The following RBFOX3 variants were observed in gnomAD, a reference collection of about 807,000 sequenced individuals.
The protein encoded by RBFOX3 is RNA binding protein fox-1 homolog 3.
In RBFOX3, 17 loss-of-function variants were observed where a neutral mutation model predicts 48.7. That is an observed-to-expected ratio of 0.35 (90% CI 0.24 to 0.52). The LOEUF is 0.52. RBFOX3 is among the 20% of genes least tolerant of loss of function. RBFOX3 has a pLI of 0.94. For missense variants in RBFOX3, 382 were observed against 497.5 expected, an observed-to-expected ratio of 0.77 and a Z score of 2.21; for synonymous variants, 212 against 209.5, an observed-to-expected ratio of 1.01 and a Z score of -0.10.
At chr17:79,491,692 T>C (rs1370711819) in intron 1 of RBFOX3, among the ~76,000 whole-genome samples, 1 of 152,158 alleles carries the variant, frequency 6.6e-6, no homozygotes, top group Non-Finnish European at 1.5e-5. Flanking sequence ...ATCAGGAAAT[T>C]GCAGTGCAGG....
intron 2 of RBFOX3, among the ~76,000 whole-genome samples, chr17:79,337,425 C>T (rs2081363861): frequency 6.6e-6 from 1 of 152,194 alleles, no homozygotes; most frequent in Non-Finnish European, 1.5e-5. Context: ...ATGCATGCCT[C>T]AGGTCCCCGT....
rs1233587990 is a variant in RBFOX3, at chr17:79,090,399, C to G, written c.*484G>C. 1 of 156,040 alleles carries G rather than the reference C, an allele frequency of 6.4e-6. No individual in the cohort carries two copies. Among genetic ancestry groups the G allele is most frequent in the Non-Finnish European group, 1.4e-5 (1 of 70,492 alleles). 9.7% of individuals were successfully genotyped at this position (156,040 alleles called of 1,614,324 possible). A position where few individuals can be genotyped will look rare whatever the true frequency, so the allele number is the denominator to read the frequency against. On this transcript the variant is annotated 3_prime_UTR_variant, in exon 15 of 15. Coordinates refer to ENST00000693108, the MANE Select transcript of RBFOX3 (RefSeq NM_001350451.2). Reference sequence around the variant, plus strand: ...ATGAAAGCTGCCCGCACCCCTCAGCCCCGCCGGCCCCCTGGCACAGCTGGC... The same window carrying G: ...ATGAAAGCTGCCCGCACCCCTCAGCGCCGCCGGCCCCCTGGCACAGCTGGC...
chr17:79,620,162 CAT>C, the RBFOX3 span, among the ~76,000 whole-genome samples: 1 of 5,926 alleles, frequency 1.7e-4, no homozygotes, highest in South Asian at 3.4e-3. Flanking sequence ...CACGCGCGGA[CAT>C]GCACACACAT....
At chr17:79,440,890 T>C (rs889997654) in intron 2 of RBFOX3, among the ~76,000 whole-genome samples, 26 of 152,090 alleles carry the variant, frequency 1.7e-4, no homozygotes, top group Admixed American at 7.9e-4. Context: ...CCACACCCCA[T>C]ACGAGGGGAC....
intron 5 of RBFOX3, among the ~76,000 whole-genome samples, chr17:79,107,393 C>T (rs1377418744): frequency 6.6e-6 from 1 of 152,244 alleles, no homozygotes; most frequent in Non-Finnish European, 1.5e-5. Context: ...CTCTATAGCC[C>T]CCATTTGGAC....
chr17:79,225,991 G>A (rs927971835), intron 4 of RBFOX3, among the ~76,000 whole-genome samples: 2 of 152,172 alleles, frequency 1.3e-5, no homozygotes, highest in Admixed American at 6.5e-5. Context: ...CAGCCAGGTG[G>A]TCAGAGTAAG....
chr17:79,326,408 C>T (rs1362240060), intron 2 of RBFOX3, among the ~76,000 whole-genome samples: 1 of 152,212 alleles, frequency 6.6e-6, no homozygotes, highest in Non-Finnish European at 1.5e-5. Context: ...CCTGGTCGCC[C>T]ATGCACTTTG....
chr17:79,451,233 A>T (rs1367183980), intron 2 of RBFOX3, among the ~76,000 whole-genome samples: 1 of 152,218 alleles, frequency 6.6e-6, no homozygotes, highest in African/African-American at 2.4e-5. Context: ...AATGAGAAAA[A>T]AAAATACATT....
At chr17:79,178,383 T>C (rs1276562245) in intron 4 of RBFOX3, among the ~76,000 whole-genome samples, 1 of 152,246 alleles carries the variant, frequency 6.6e-6, no homozygotes, top group Non-Finnish European at 1.5e-5. Flanking sequence ...ATGCATGTTT[T>C]CTTTTGCACA....
At chr17:79,663,466 T>C in the RBFOX3 span, among the ~76,000 whole-genome samples, 4 of 152,338 alleles carry the variant, frequency 2.6e-5, no homozygotes, top group African/African-American at 7.2e-5. Context: ...AAGTCCTTTA[T>C]AGGGGGTCTG....
chr17:79,324,759 T>C (rs981727250), intron 2 of RBFOX3, among the ~76,000 whole-genome samples: 30 of 152,192 alleles, frequency 2.0e-4, no homozygotes, highest in Admixed American at 6.5e-5. Context: ...AGCCAACACC[T>C]GGCCGAGCAA....
Position 79,308,889 on chromosome 17 carries a change from C to T in RBFOX3, c.-174-1065G>A, listed in dbSNP as rs1568016253. On this transcript the variant is annotated intron_variant, in intron 2 of 14. Transcript: ENST00000693108. ...ATCCCAGCACTTTGGGAAGCCGAGG[C>T]GGGGGGATCACTTGAGGCCAAGAGT... is the stretch of plus-strand genomic sequence containing the variant. Among the ~76,000 whole-genome samples the T allele has an allele frequency of 3.3e-5, 5 of 151,996 alleles. No individual in the cohort carries two copies. The South Asian group carries it at 8.3e-4, about 25-fold the overall frequency.
At chr17:79,191,619 C>A (rs566523696) in intron 4 of RBFOX3, among the ~76,000 whole-genome samples, 1 of 152,330 alleles carries the variant, frequency 6.6e-6, no homozygotes, top group African/African-American at 2.4e-5. Flanking sequence ...GGGGCCGGGC[C>A]ATGGAGTGAC....
chr17:79,149,252 C>G (rs181086134), intron 4 of RBFOX3, among the ~76,000 whole-genome samples: 9 of 152,210 alleles, frequency 5.9e-5, no homozygotes, highest in African/African-American at 2.2e-4. Context: ...GGGCATCCAT[C>G]TGGGGCTTAG....
At chr17:79,194,163 C>A (rs1042365990) in intron 4 of RBFOX3, among the ~76,000 whole-genome samples, 5 of 152,216 alleles carry the variant, frequency 3.3e-5, no homozygotes, top group African/African-American at 1.2e-4. Flanking sequence ...GCTGTCCTCG[C>A]TCCCACAGCT....
At position 79,406,586 on chromosome 17, in the gene RBFOX3, G is replaced by C. The variant is rs140390304; in HGVS notation, c.-175+75868C>G. ...AGGGAGGCGTGTCCCATCAGGATGG[G>C]GACAATTAACAAACGGTGCCCTCCA... On this transcript the variant is annotated intron_variant, in intron 2 of 14. Transcript: ENST00000693108. Among the ~76,000 whole-genome samples the C allele has an allele frequency of 6.5e-3, 991 of 152,272 alleles. 6 individuals carry two copies. Among genetic ancestry groups the C allele is most frequent in the African/African-American group, 0.022 (929 of 41,558 alleles).
the RBFOX3 span, among the ~76,000 whole-genome samples, chr17:79,653,913 CT>C: frequency 6.4e-3 from 885 of 139,310 alleles, 11 homozygotes; most frequent in African/African-American, 0.024. Context: ...GTTAATTCAG[CT>C]TTTTAAAAAC....
intron 3 of RBFOX3, among the ~76,000 whole-genome samples, chr17:79,290,043 C>T (rs993363573): frequency 2.0e-5 from 3 of 152,086 alleles, no homozygotes; most frequent in Non-Finnish European, 2.9e-5. Context: ...AAGCAAGATG[C>T]CCAGGGGGTC....
At chr17:79,257,387 C>T (rs1190585022) in intron 3 of RBFOX3, among the ~76,000 whole-genome samples, 1 of 152,192 alleles carries the variant, frequency 6.6e-6, no homozygotes, top group African/African-American at 2.4e-5. Context: ...GAATACAAAC[C>T]CGAGACCAAA....
Sources: allele counts gnomAD v4.1 joint callset (sites outside exome capture counted in the v4.1 genomes callset), GRCh38; gene constraint gnomAD v4.1.1; transcripts MANE v1.5; gene names NCBI Gene and HGNC (gene_info 2026-07-23, HGNC 2026-07-21).